The following GRID1 variants were observed in gnomAD, a reference collection of about 807,000 sequenced individuals.
GRID1 encodes the protein glutamate ionotropic receptor delta type subunit 1, also known as glutamate receptor ionotropic, delta-1.
In GRID1, 28 loss-of-function variants were observed where a neutral mutation model predicts 98.0. The observed-to-expected ratio is 0.29, with a 90% CI of 0.21 to 0.39. The LOEUF (loss-of-function observed/expected upper bound fraction) is 0.39, where lower values mean the gene tolerates loss of function less well. GRID1 is among the 10% of genes least tolerant of loss of function. The pLI, the probability that GRID1 is intolerant of heterozygous loss-of-function variation, is 1.00. For missense variants in GRID1, 1,111 were observed against 1,340.5 expected (o/e 0.83, Z 2.67); for synonymous variants, 553 against 538.5 (o/e 1.03, Z -0.37).
At chr10:86,346,211 G>T (rs974056248) in intron 2 of GRID1, among the ~76,000 whole-genome samples, 1 of 152,246 alleles carries the variant, frequency 6.6e-6, no homozygotes, top group Non-Finnish European at 1.5e-5. Flanking sequence ...GGTTCTGCCA[G>T]CTGGAAACAC....
At chr10:85,835,945 T>C (rs1398598694) in intron 8 of GRID1, among the ~76,000 whole-genome samples, 2 of 152,056 alleles carry the variant, frequency 1.3e-5, no homozygotes, top group Non-Finnish European at 1.5e-5. Flanking sequence ...ATAAATCAAA[T>C]AGTAAATTTC....
intron 8 of GRID1, among the ~76,000 whole-genome samples, chr10:85,774,183 T>C (rs1200129698): frequency 1.3e-5 from 2 of 152,184 alleles, no homozygotes; most frequent in African/African-American, 4.8e-5. Flanking sequence ...TATCTACAAC[T>C]ATCTGATCTT....
chr10:85,771,902 A>T (rs1842272862), intron 8 of GRID1, among the ~76,000 whole-genome samples: 2 of 152,226 alleles, frequency 1.3e-5, no homozygotes, highest in East Asian at 1.9e-4. Context: ...TGTCAACATT[A>T]GACAGATCAA....
At chr10:86,363,719 C>T (rs1257414780) in intron 2 of GRID1, among the ~76,000 whole-genome samples, 1 of 152,236 alleles carries the variant, frequency 6.6e-6, no homozygotes, top group East Asian at 1.9e-4. Flanking sequence ...AACACCAGCT[C>T]CCCGCGCTCG....
chr10:85,848,867 G>A (rs910596535), intron 8 of GRID1, among the ~76,000 whole-genome samples: 7 of 152,194 alleles, frequency 4.6e-5, no homozygotes, highest in Non-Finnish European at 2.9e-5. Flanking sequence ...CAGAACGGTT[G>A]ACATTTTACT....
rs546355878 is a variant in GRID1 at position 85,870,653 on chromosome 10, G to A, written c.781-1473C>T. Among the ~76,000 whole-genome samples, 343 of 152,284 alleles carry A rather than the reference G, an allele frequency of 2.3e-3. 1 individual carries two copies. Among genetic ancestry groups the A allele is most frequent in the African/African-American group, 7.5e-3 (312 of 41,570 alleles). ...GTTGGTGGTGCTGTGGAAGGAAGGT[G>A]GAGGGAGCTGCCAATAGCTCCCTGT... On this transcript the variant is annotated intron_variant, in intron 5 of 15. Transcript: ENST00000327946.
chr10:86,282,095 G>C (rs1236762219), intron 2 of GRID1, among the ~76,000 whole-genome samples: 1 of 152,164 alleles, frequency 6.6e-6, no homozygotes, highest in Non-Finnish European at 1.5e-5. Context: ...TTAGAACCTT[G>C]GTTTGCTCAT....
At chr10:85,778,359 G>A (rs1842351336) in intron 8 of GRID1, among the ~76,000 whole-genome samples, 1 of 152,144 alleles carries the variant, frequency 6.6e-6, no homozygotes, top group African/African-American at 2.4e-5. Context: ...AGCAGGGGTT[G>A]AGAGGTGGGG....
At chr10:85,696,120 T>C (rs1841390255) in intron 12 of GRID1, among the ~76,000 whole-genome samples, 1 of 152,168 alleles carries the variant, frequency 6.6e-6, no homozygotes, top group Admixed American at 6.6e-5. Context: ...GTATAGGGTA[T>C]ATATACTGTC....
intron 5 of GRID1, among the ~76,000 whole-genome samples, chr10:85,908,531 T>G (rs1438532053): frequency 8.5e-5 from 13 of 152,166 alleles, no homozygotes; most frequent in Non-Finnish European, 1.0e-4. Flanking sequence ...TGAGAGAAAT[T>G]AAAGAAAATC....
intron 2 of GRID1, among the ~76,000 whole-genome samples, chr10:86,221,993 CAG>C (rs1293980812): frequency 1.3e-5 from 2 of 152,080 alleles, no homozygotes; most frequent in African/African-American, 4.8e-5. Context: ...ATCACAGAAA[CAG>C]GGGACAGAGC....
chr10:85,821,245 C>T (rs766084468), intron 8 of GRID1, among the ~76,000 whole-genome samples: 11 of 151,606 alleles, frequency 7.3e-5, no homozygotes, highest in South Asian at 4.2e-4. Flanking sequence ...AGGCTGGGCA[C>T]GGTGGCTCAT....
intron 2 of GRID1, among the ~76,000 whole-genome samples, chr10:86,295,271 A>T (rs1847572166): frequency 2.0e-5 from 3 of 152,160 alleles, no homozygotes; most frequent in African/African-American, 7.2e-5. Flanking sequence ...AGATGGAAAT[A>T]ATCCACTAGA....
chr10:86,236,838 G>T (rs2132039272), intron 2 of GRID1, among the ~76,000 whole-genome samples: 1 of 152,338 alleles, frequency 6.6e-6, no homozygotes, highest in South Asian at 2.1e-4. Flanking sequence ...CTACACGCCT[G>T]ACCCAGCGAG....
chr10:85,697,250 C>CTAGATTTGATT (rs1361609987), intron 12 of GRID1, among the ~76,000 whole-genome samples: 2 of 151,968 alleles, frequency 1.3e-5, no homozygotes, highest in African/African-American at 4.8e-5. Flanking sequence ...GATTTTTCTA[C>CTAGATTTGATT]TTATTCCACT....
At chr10:85,930,955 T>C (rs553579572) in intron 4 of GRID1, among the ~76,000 whole-genome samples, 3 of 151,326 alleles carry the variant, frequency 2.0e-5, no homozygotes, top group African/African-American at 7.4e-5. Context: ...ATCTCTCACC[T>C]CAGTCTCCCA....
At chr10:86,023,283 A>T (rs1843074430) in intron 4 of GRID1, among the ~76,000 whole-genome samples, 2 of 152,188 alleles carry the variant, frequency 1.3e-5, no homozygotes, top group Non-Finnish European at 2.9e-5. Flanking sequence ...GCAGAATAAC[A>T]GTCATCACTG....
chr10:85,861,180 C>T (rs1013651518), intron 6 of GRID1, among the ~76,000 whole-genome samples: 1 of 152,198 alleles, frequency 6.6e-6, no homozygotes, highest in Non-Finnish European at 1.5e-5. Context: ...CAACACCACT[C>T]GTTCTCTCCC....
At chr10:85,965,564 C>T (rs1842325883) in intron 4 of GRID1, among the ~76,000 whole-genome samples, 1 of 152,098 alleles carries the variant, frequency 6.6e-6, no homozygotes, top group Non-Finnish European at 1.5e-5. Context: ...CATGTTCTCA[C>T]TCATAAGTGG....
Sources: gnomAD v4.1 joint callset for allele counts (sites outside exome capture counted in the v4.1 genomes callset) on GRCh38, gnomAD v4.1.1 for gene constraint, MANE v1.5 for transcripts, NCBI Gene and HGNC (gene_info 2026-07-23, HGNC 2026-07-21) for gene names.